The following NLRX1 variants were observed in gnomAD, a reference collection of about 807,000 sequenced individuals.
The protein encoded by NLRX1 is NLR family member X1.
A neutral mutation model predicts 74.2 loss-of-function variants in NLRX1; 67 were observed. The observed-to-expected ratio is 0.90, with a 90% CI of 0.74 to 1.11. NLRX1 has a LOEUF of 1.11. NLRX1 is among the 50% of genes least tolerant of loss of function. The pLI is 0.00. For missense variants in NLRX1, 1,191 were observed against 1,305.4 expected, an observed-to-expected ratio of 0.91 and a Z score of 1.35; for synonymous variants, 506 against 559.1, an observed-to-expected ratio of 0.91 and a Z score of 1.34.
chr11:119,174,365 G>A, intron 5 of NLRX1, 88 bp from the exon 6 acceptor site: 7 of 1,343,028 alleles, frequency 5.2e-6, no homozygotes, highest in Non-Finnish European at 7.3e-6. Context: ...TTCATCCTTG[G>A]ACACTCCGTC....
intron 6 of NLRX1, 132 bp from the exon 7 acceptor site, chr11:119,179,561 C>T: frequency 1.4e-6 from 1 of 732,422 alleles, no homozygotes; most frequent in Non-Finnish European, 2.2e-6. Flanking sequence ...GTAGCATGAT[C>T]AGACAAATTA....
At chr11:119,182,743 T>C (rs1948871153) in intron 9 of NLRX1, among the ~76,000 whole-genome samples, 1 of 151,728 alleles carries the variant, frequency 6.6e-6, no homozygotes, top group African/African-American at 2.4e-5. Context: ...AAAAATTATC[T>C]GGGTGTGGTG....
chr11:119,183,877 G>A lies in NLRX1; in HGVS notation c.*438G>A, dbSNP rs1391380413. 5.1e-6 allele frequency: 4 copies of A among 780,684 alleles called. No individual in the cohort carries two copies. The highest frequency in any genetic ancestry group is 1.7e-5 in the African/African-American group (1 of 59,114). 48.4% of individuals were successfully genotyped at this position (780,684 alleles called of 1,614,324 possible). On this transcript the variant is annotated 3_prime_UTR_variant, in exon 10 of 10. Coordinates refer to ENST00000409109, the MANE Select transcript of NLRX1 (RefSeq NM_001282144.2). This position sits in a 1 kb window ranked among gnomAD's most constrained non-coding sequence, Gnocchi z 5.7. ...CCCCTCCTGCCTTATGCTCACCTGTGGACACCGAGGATGCCCTCACATTGG... is the reference window on the plus strand; with the variant it reads ...CCCCTCCTGCCTTATGCTCACCTGTAGACACCGAGGATGCCCTCACATTGG...
intron 6 of NLRX1, among the ~76,000 whole-genome samples, chr11:119,176,152 G>T (rs1396722677): frequency 6.6e-6 from 1 of 152,194 alleles, no homozygotes; most frequent in Non-Finnish European, 1.5e-5. Flanking sequence ...GGTAACCTTT[G>T]TTTTCTCTAG....
chr11:119,174,424 T>C (rs1210457421), intron 5 of NLRX1, 29 bp from the exon 6 acceptor site: 1 of 1,598,066 alleles, frequency 6.3e-7, no homozygotes, highest in Admixed American at 1.7e-5. Context: ...ACTAAGGTCT[T>C]TCTTAACTCT....
chr11:119,169,583 C>T (rs1218745585), intron 1 of NLRX1, among the ~76,000 whole-genome samples: 1 of 152,242 alleles, frequency 6.6e-6, no homozygotes, highest in Admixed American at 6.5e-5. Context: ...GCCCAAGAAG[C>T]CCCGATCTCA....
At position 119,183,321 on chromosome 11, in the gene NLRX1, T is replaced by A; in HGVS notation, c.2810T>A (p.Leu937Gln). 1 of 1,614,226 alleles carries A rather than the reference T, an allele frequency of 6.2e-7. No homozygotes were observed. Among genetic ancestry groups the A allele is most frequent in the African/African-American group, 1.3e-5 (1 of 75,046 alleles). ...GTTCAGCGACACCTTGAGCTCCTACTGCGGGATCTGGAAGATAGCCGGGGT... is the reference window on the plus strand; with the variant it reads ...GTTCAGCGACACCTTGAGCTCCTACAGCGGGATCTGGAAGATAGCCGGGGT... The part of the protein sequence containing the change: ...ARVQRHLELL[L>Q]RDLEDSRGAT... The change falls in exon 10 of 10, where the codon CTG becomes CAG. Residue 937 changes from leucine to glutamine, a missense_variant. By Grantham distance (113) the Leu-to-Gln change is moderately radical. Transcript: ENST00000409109. The surrounding 1 kb of genome is among the most constrained non-coding windows in gnomAD (Gnocchi z 5.7).
At chr11:119,170,115 G>C (rs1948506247) in intron 1 of NLRX1, among the ~76,000 whole-genome samples, 1 of 148,804 alleles carries the variant, frequency 6.7e-6, no homozygotes, top group South Asian at 2.1e-4. Context: ...GCAAGAGCAA[G>C]AATCCGGTGA....
chr11:119,182,464 C>A, intron 9 of NLRX1, 119 bp downstream of exon 9: 2 of 1,408,622 alleles, frequency 1.4e-6, no homozygotes, highest in South Asian at 1.3e-5. Flanking sequence ...GTCCTTTATT[C>A]CTGGTTTCTG....
Position 119,181,585 on chromosome 11 carries a change from G to A in NLRX1, c.2354+328G>A, listed in dbSNP as rs180695151. ...CCCAGGATTTTTCTTGCAGCCTCCC[G>A]AGGAGGACCCTAATGCTGGGCACTC... On this transcript the variant is annotated intron_variant, in intron 8 of 9. Transcript: ENST00000409109. 5.8e-4 allele frequency among the ~76,000 whole-genome samples: 88 copies of A among 152,258 alleles called. 1 individual carries two copies. The East Asian group carries it at 0.013, about 22-fold the overall frequency.
chr11:119,180,432 C>T, intron 7 of NLRX1, 144 bp downstream of exon 7: 1 of 683,446 alleles, frequency 1.5e-6, no homozygotes, highest in Non-Finnish European at 2.4e-6. Flanking sequence ...GGGCCGGGAG[C>T]AGTGGCTCAC....
chr11:119,168,336 T>A (rs1463809963), upstream of NLRX1: 1 of 152,264 alleles, frequency 6.6e-6, no homozygotes, highest in Admixed American at 6.5e-5. Flanking sequence ...CATTCTTCCT[T>A]CTTTCTTAAC....
In NLRX1 at chr11:119,183,443, A is replaced by G. The variant is rs1235371880; in HGVS notation, c.*4A>G. 4 of 1,608,704 alleles carry G rather than the reference A, an allele frequency of 2.5e-6. No individual in the cohort carries two copies. Among genetic ancestry groups the G allele is most frequent in the East Asian group, 2.2e-5 (1 of 44,854 alleles). On this transcript the variant is annotated 3_prime_UTR_variant, in exon 10 of 10. Coordinates refer to ENST00000409109, the MANE Select transcript of NLRX1 (RefSeq NM_001282144.2). The surrounding 1 kb of genome is among the most constrained non-coding windows in gnomAD (Gnocchi z 5.7). The stretch of plus-strand genomic sequence containing the variant: ...GCTGGGAAGCTCTGGAAGCTGAGAC[A>G]CTGGCGGCAGGCACCTAGCTATGTG...
chr11:119,175,089 G>T lies in NLRX1; in HGVS notation c.1486G>T (p.Ala496Ser). ...RAGTFVFTVP[A>S]MQEYLAALYI... ...AGGCACCTTCGTGTTCACCGTGCCCGCCATGCAGGAATACCTGGCTGCCCT... is the reference window on the plus strand; with the variant it reads ...AGGCACCTTCGTGTTCACCGTGCCCTCCATGCAGGAATACCTGGCTGCCCT... The change falls in exon 6 of 10, where the codon GCC becomes TCC. Residue 496 changes from alanine (A) to serine (S), a missense_variant. Physicochemically the swap from Ala to Ser is moderately conservative, Grantham distance 99. Transcript: ENST00000409109. 6.2e-7 allele frequency: 1 copy of T among 1,614,154 alleles called. No homozygotes were observed. The highest frequency in any genetic ancestry group is 8.5e-7 in the Non-Finnish European group (1 of 1,180,038).
upstream of NLRX1, chr11:119,168,664 G>T (rs1463785213): frequency 6.6e-6 from 1 of 152,508 alleles, no homozygotes; most frequent in African/African-American, 2.4e-5. Context: ...CTGGGAGGTG[G>T]TTAGTGAGGT....
chr11:119,174,103 G>C lies in NLRX1; in HGVS notation c.849+5G>C. 1 of 1,612,810 alleles carries C rather than the reference G, an allele frequency of 6.2e-7. No individual in the cohort carries two copies. On this transcript the variant is annotated splice_donor_5th_base_variant and intron_variant, in intron 5 of 9. Coordinates refer to ENST00000409109, the MANE Select transcript of NLRX1 (RefSeq NM_001282144.2). ...CGCAAATACATGCTGCCTCAGGTGGGTGGCCCTTTACCCCAGGTTATCACT... is the reference window on the plus strand; with the variant it reads ...CGCAAATACATGCTGCCTCAGGTGGCTGGCCCTTTACCCCAGGTTATCACT...
Position 119,179,790 on chromosome 11 carries a change from A to G in NLRX1, c.1769A>G (p.Asn590Ser). ...LEMFREEDYY[N>S]DDVLDQMGAS... ...ATGTTTCGAGAGGAGGACTACTACAACGATGATGTTCTGGACCAGATGGGC... is the reference window on the plus strand; with the variant it reads ...ATGTTTCGAGAGGAGGACTACTACAGCGATGATGTTCTGGACCAGATGGGC... Residue 590 changes from asparagine to serine, a missense_variant, in exon 7 of 10, where the codon AAC becomes AGC. Transcript: ENST00000409109. 2 of 1,614,208 alleles carry G rather than the reference A, an allele frequency of 1.2e-6. No homozygotes were observed. The highest frequency in any genetic ancestry group is 1.6e-4 in the Middle Eastern group (1 of 6,062).
chr11:119,179,168 A>G (rs1329106664), intron 6 of NLRX1, among the ~76,000 whole-genome samples: 1 of 152,170 alleles, frequency 6.6e-6, no homozygotes, highest in East Asian at 1.9e-4. Flanking sequence ...TATTTGTGAT[A>G]CCTAGCCCGG....
At position 119,174,987 on chromosome 11, in the gene NLRX1, G is replaced by A; in HGVS notation, c.1384G>A (p.Glu462Lys). 1.2e-6 allele frequency: 2 copies of A among 1,614,090 alleles called. No homozygotes were observed. Among genetic ancestry groups the A allele is most frequent in the Admixed American group, 1.7e-5 (1 of 60,026 alleles). ...GGAGGCTGGCATCAGGACGGAGGAGGAGTTTCAGCTGCTGCACATCTTCCG... is the reference window on the plus strand; with the variant it reads ...GGAGGCTGGCATCAGGACGGAGGAGAAGTTTCAGCTGCTGCACATCTTCCG... ...CLEAGIRTEE[E>K]FQLLHIFRRD... Residue 462 changes from glutamate (E) to lysine (K), a missense_variant, in exon 6 of 10, where the codon GAG becomes AAG. Transcript: ENST00000409109.
Sources: gnomAD v4.1 joint callset for allele counts (sites outside exome capture counted in the v4.1 genomes callset) on GRCh38, gnomAD v4.1.1 for gene constraint, Gnocchi (gnomAD v3.1) non-coding constraint, MANE v1.5 for transcripts, NCBI Gene and HGNC (gene_info 2026-07-23, HGNC 2026-07-21) for gene names.